MORN5: variants seen among roughly 807,000 people sequenced by gnomAD.
MORN5 encodes the protein MORN repeat containing 5, also known as MORN repeat-containing protein 5.
MORN5 carries 21 observed loss-of-function variants against 22.1 expected under a neutral mutation model. That is an observed-to-expected ratio of 0.95 (90% CI 0.67 to 1.37). MORN5 has a LOEUF of 1.37. Among genes scored for constraint, MORN5 ranks in the 40% most tolerant of loss-of-function variants. The pLI is 0.00. For synonymous variants in MORN5, 73 were observed against 74.0 expected (o/e 0.99, Z 0.07); for missense variants, 211 against 215.1 (o/e 0.98, Z 0.12).
At chr9:122,167,252 T>C (rs1829300460) in intron 2 of MORN5, among the ~76,000 whole-genome samples, 1 of 151,616 alleles carries the variant, frequency 6.6e-6, no homozygotes, top group South Asian at 2.1e-4. Flanking sequence ...TTCACCATGT[T>C]TGCCAGGATG....
At chr9:122,180,867 C>T (rs1040994319) in intron 4 of MORN5, among the ~76,000 whole-genome samples, 52 of 152,138 alleles carry the variant, frequency 3.4e-4, no homozygotes, top group African/African-American at 1.2e-3. Flanking sequence ...GCAGGGACCA[C>T]GTGACTACGT....
chr9:122,174,850 C>G (rs982871019), intron 4 of MORN5: 2 of 1,363,236 alleles, frequency 1.5e-6, no homozygotes, highest in Non-Finnish European at 1.9e-6. Context: ...CTAGCAGTGA[C>G]GGCACATAAA....
In MORN5 at chr9:122,178,469, T is replaced by G. The variant is rs549391131; in HGVS notation, c.439+3842T>G. 1.7e-4 allele frequency among the ~76,000 whole-genome samples: 26 copies of G among 152,184 alleles called. 1 individual carries two copies. In the South Asian group the frequency reaches 5.2e-3, roughly 30 times the overall value. On this transcript the variant is annotated intron_variant, in intron 4 of 4. Transcript: ENST00000373764. The stretch of plus-strand genomic sequence containing the variant: ...CGCCACTGCACTCCAGCCTGGGTGA[T>G]ACAGCGAGACCCCCTCTCAAAACAA...
intron 4 of MORN5, among the ~76,000 whole-genome samples, chr9:122,184,235 G>A (rs1272874854): frequency 6.6e-6 from 1 of 152,146 alleles, no homozygotes; most frequent in Non-Finnish European, 1.5e-5. Context: ...ACTCAGGCTC[G>A]CCTGCCTCCC....
intron 3 of MORN5, 88 bp from the exon 4 acceptor site, chr9:122,174,408 A>G: frequency 6.8e-7 from 1 of 1,476,224 alleles, no homozygotes; most frequent in Non-Finnish European, 9.3e-7. Context: ...TAGTCACATG[A>G]GCCACCAGCC....
intron 4 of MORN5, among the ~76,000 whole-genome samples, chr9:122,195,864 C>T (rs1829875445): frequency 6.6e-6 from 1 of 152,096 alleles, no homozygotes; most frequent in Admixed American, 6.5e-5. Context: ...TTTGTCTATT[C>T]TGATTTTTAT....
At chr9:122,188,983 T>C (rs1195640799) in intron 4 of MORN5, among the ~76,000 whole-genome samples, 1 of 152,042 alleles carries the variant, frequency 6.6e-6, no homozygotes, top group African/African-American at 2.4e-5. Context: ...TCACTTGAGG[T>C]CAGGAGTTCA....
In MORN5 at chr9:122,175,924, T is replaced by C. The variant is rs28683632; in HGVS notation, c.439+1297T>C. On this transcript the variant is annotated intron_variant, in intron 4 of 4. Transcript: ENST00000373764. The stretch of plus-strand genomic sequence containing the variant: ...GGTCAGGAGATCGAGACCATCCTGG[T>C]TAACACGGTGAAACCCCGTCTCTAC... 8.4e-3 allele frequency among the ~76,000 whole-genome samples: 1,280 copies of C among 151,688 alleles called. 13 individuals carry two copies. Among genetic ancestry groups the C allele is most frequent in the African/African-American group, 0.03 (1,226 of 41,350 alleles).
intron 4 of MORN5, among the ~76,000 whole-genome samples, chr9:122,182,508 C>T (rs575552577): frequency 2.0e-5 from 3 of 152,294 alleles, no homozygotes; most frequent in East Asian, 1.9e-4. Context: ...CCCAGCACTT[C>T]GGGAGGCTGA....
At chr9:122,187,981 A>G (rs1588312317) in intron 4 of MORN5, among the ~76,000 whole-genome samples, 1 of 152,170 alleles carries the variant, frequency 6.6e-6, no homozygotes, top group Non-Finnish European at 1.5e-5. Context: ...AGAGAGATGC[A>G]GGGGTACAGG....
At chr9:122,179,115 A>C (rs1829497516) in intron 4 of MORN5, among the ~76,000 whole-genome samples, 2 of 152,182 alleles carry the variant, frequency 1.3e-5, no homozygotes, top group South Asian at 4.1e-4. Flanking sequence ...AAGAGTGTTA[A>C]AGGCAGAGGG....
At position 122,162,255 on chromosome 9, in the gene MORN5, TACTC is replaced by T. The variant is rs200823027; in HGVS notation, c.47+2238_47+2241del. ...ATGGATGTTATTTACAAATGGTAGATACTCAATCAATTTTTTTTAATTTAGGGAG... is the reference window on the plus strand; with the variant it reads ...ATGGATGTTATTTACAAATGGTAGATAATCAATTTTTTTTAATTTAGGGAG... On this transcript the variant is annotated intron_variant, in intron 1 of 4. Coordinates refer to ENST00000373764, the MANE Select transcript of MORN5 (RefSeq NM_198469.4). 5.1e-3 allele frequency among the ~76,000 whole-genome samples: 770 copies of T among 152,360 alleles called. 28 individuals are homozygous for T. The highest frequency in any genetic ancestry group is 0.046 in the Admixed American group (705 of 15,302).
chr9:122,184,529 A>G (rs780005777), intron 4 of MORN5, among the ~76,000 whole-genome samples: 8 of 152,236 alleles, frequency 5.3e-5, no homozygotes, highest in Non-Finnish European at 1.2e-4. Context: ...ATACAATGCA[A>G]TCATTAAAAA....
At chr9:122,180,586 C>T (rs892349256) in intron 4 of MORN5, among the ~76,000 whole-genome samples, 1 of 151,910 alleles carries the variant, frequency 6.6e-6, no homozygotes, top group South Asian at 2.1e-4. Context: ...GCGCTCGGCC[C>T]GATATTTTCT....
At chr9:122,199,232 G>A (rs1288420297) in intron 4 of MORN5, among the ~76,000 whole-genome samples, 3 of 152,320 alleles carry the variant, frequency 2.0e-5, no homozygotes, top group Non-Finnish European at 2.9e-5. Context: ...CCCTGTGGCT[G>A]TGGACAAGTG....
chr9:122,184,373 C>A (rs185470137), intron 4 of MORN5, among the ~76,000 whole-genome samples: 1 of 152,292 alleles, frequency 6.6e-6, no homozygotes, highest in African/African-American at 2.4e-5. Flanking sequence ...AAATTTAAGC[C>A]GCACAGTGAA....
rs73551372 is a variant in MORN5 at position 122,166,801 on chromosome 9, C to T, written c.81C>T (p.Thr27=). ...MEGKAKYILP[T]ETIYVGEMKD... ...GCAAAGCCAAGTACATCCTCCCTAC[C>T]GAAACAATATATGTTGGGGAAATGA... Residue 27 remains threonine, a synonymous_variant, in exon 2 of 5, where the codon ACC becomes ACT. Coordinates refer to ENST00000373764, the MANE Select transcript of MORN5 (RefSeq NM_198469.4). The T allele has an allele frequency of 0.011, 17,212 of 1,613,568 alleles. 1,594 individuals are homozygous for T. The African/African-American group carries it at 0.2, about 19-fold the overall frequency.
At chr9:122,175,536 C>T (rs1184193371) in intron 4 of MORN5, 1 of 985,228 alleles carries the variant, frequency 1.0e-6, no homozygotes, top group African/African-American at 1.7e-5. Flanking sequence ...CTAGGAATAT[C>T]AAAAGATACG....
In MORN5 at chr9:122,188,143, T is replaced by C. The variant is rs377547027; in HGVS notation, c.440-11742T>C. On this transcript the variant is annotated intron_variant, in intron 4 of 4. Coordinates refer to ENST00000373764, the MANE Select transcript of MORN5 (RefSeq NM_198469.4). ...ACCCAGTGTGGGCTGGAGAGAGCCT[T>C]GAATAGCAGGTTAGGGAGTTTAGCT... Among the ~76,000 whole-genome samples, 61 of 152,264 alleles carry C rather than the reference T, an allele frequency of 4.0e-4. No homozygotes were observed. In the East Asian group the frequency reaches 8.1e-3, roughly 20 times the overall value.
Sources: allele counts gnomAD v4.1 joint callset (sites outside exome capture counted in the v4.1 genomes callset), GRCh38; gene constraint gnomAD v4.1.1; transcripts MANE v1.5; gene names NCBI Gene and HGNC (gene_info 2026-07-23, HGNC 2026-07-21).